The following AGAP1 variants were observed in gnomAD, a reference collection of about 807,000 sequenced individuals.
The protein encoded by AGAP1 is ArfGAP with GTPase domain, ankyrin repeat and PH domain 1, also known as arf-GAP with GTPase, ANK repeat and PH domain-containing protein 1.
AGAP1 carries 29 observed loss-of-function variants against 105.3 expected under a neutral mutation model. That is an observed-to-expected ratio of 0.28 (90% CI 0.21 to 0.38). The LOEUF (loss-of-function observed/expected upper bound fraction) is 0.38, where lower values mean the gene tolerates loss of function less well. Among genes scored for constraint, AGAP1 ranks in the 10% least tolerant of loss-of-function variants. AGAP1 has a pLI of 1.00. For synonymous variants in AGAP1, 509 were observed against 485.9 expected (o/e 1.05, Z -0.63); for missense variants, 998 against 1,165.1 (o/e 0.86, Z 2.09).
intron 6 of AGAP1, among the ~76,000 whole-genome samples, chr2:235,763,068 GCACAC>G (rs1559452893): frequency 0.013 from 1,212 of 91,972 alleles, 14 homozygotes; most frequent in African/African-American, 0.035. Context: ...GCGCGCGCGC[GCACAC>G]GTGCACCTGC....
At chr2:235,898,763 A>G (rs6738460) in intron 10 of AGAP1, among the ~76,000 whole-genome samples, 113,272 of 152,096 alleles carry the variant, frequency 0.74, 42,619 homozygotes, top group East Asian at 0.96. Flanking sequence ...AGATGTGGAC[A>G]TGGGGACCCT....
chr2:235,799,167 G>A lies in AGAP1; in HGVS notation c.802-200G>A, dbSNP rs983301624. 6.6e-6 allele frequency among the ~76,000 whole-genome samples: 1 copy of A among 152,222 alleles called. No individual in the cohort carries two copies. Among genetic ancestry groups the A allele is most frequent in the African/African-American group, 2.4e-5 (1 of 41,464 alleles). Reference sequence around the variant, plus strand: ...CTTTTCTCAGGGGATGCCACTGAGTGAGATGATTGGCATGTTCCAGGATGA... The same window carrying A: ...CTTTTCTCAGGGGATGCCACTGAGTAAGATGATTGGCATGTTCCAGGATGA... On this transcript the variant is annotated intron_variant, in intron 7 of 17. Coordinates refer to ENST00000304032, the MANE Select transcript of AGAP1 (RefSeq NM_001037131.3). This position sits in a 1 kb window ranked among gnomAD's most constrained non-coding sequence, Gnocchi z 5.0.
intron 6 of AGAP1, among the ~76,000 whole-genome samples, chr2:235,755,336 C>T (rs1953831772): frequency 7.0e-6 from 1 of 142,784 alleles, no homozygotes; most frequent in Non-Finnish European, 1.6e-5. Context: ...TTTCAAAAGT[C>T]CCTGTTGATT....
At chr2:235,641,873 T>G (rs935337157) in intron 1 of AGAP1, among the ~76,000 whole-genome samples, 1 of 152,196 alleles carries the variant, frequency 6.6e-6, no homozygotes, top group African/African-American at 2.4e-5. Flanking sequence ...TTTTAAGAAT[T>G]ATTAGCATTT....
In AGAP1 at chr2:235,723,457, C is replaced by T. The variant is rs1219628125; in HGVS notation, c.310+5813C>T. ...TGTGGACCTGCCCAAGACACTTCAC[C>T]CCCTGCAGGTGGGGAGAGTGTGGCG... On this transcript the variant is annotated intron_variant, in intron 3 of 17. Transcript: ENST00000304032. This position sits in a 1 kb window ranked among gnomAD's most constrained non-coding sequence, Gnocchi z 6.2. Among the ~76,000 whole-genome samples, 4 of 152,172 alleles carry T rather than the reference C, an allele frequency of 2.6e-5. No homozygotes were observed. Among genetic ancestry groups the T allele is most frequent in the African/African-American group, 7.2e-5 (3 of 41,438 alleles).
chr2:235,555,713 T>C lies in AGAP1; in HGVS notation c.163+60864T>C, dbSNP rs1006789634. ...TTCTGCTTTGGCCTTGTCAGTCTCC[T>C]TCTGTGATTCAGACCGTAGTGAAGC... is the stretch of plus-strand genomic sequence containing the variant. On this transcript the variant is annotated intron_variant, in intron 1 of 17. Coordinates refer to ENST00000304032, the MANE Select transcript of AGAP1 (RefSeq NM_001037131.3). This position sits in a 1 kb window ranked among gnomAD's most constrained non-coding sequence, Gnocchi z 5.1. Among the ~76,000 whole-genome samples, 2 of 152,218 alleles carry C rather than the reference T, an allele frequency of 1.3e-5. No individual in the cohort carries two copies. The highest frequency in any genetic ancestry group is 2.9e-5 in the Non-Finnish European group (2 of 68,036).
intron 16 of AGAP1, among the ~76,000 whole-genome samples, chr2:236,065,273 C>T (rs2058315700): frequency 6.6e-6 from 1 of 152,206 alleles, no homozygotes. Flanking sequence ...CACAGGGGCA[C>T]GTCCATTGGC....
intron 16 of AGAP1, among the ~76,000 whole-genome samples, chr2:236,071,076 G>A (rs771098581): frequency 2.6e-5 from 4 of 152,220 alleles, no homozygotes; most frequent in Non-Finnish European, 5.9e-5. Flanking sequence ...GACCGTTAAG[G>A]AAGCCCACGG....
intron 16 of AGAP1, among the ~76,000 whole-genome samples, chr2:236,106,892 G>A (rs1011881888): frequency 2.6e-5 from 4 of 152,212 alleles, no homozygotes; most frequent in African/African-American, 4.8e-5. Flanking sequence ...CCCCGTGGAG[G>A]TGGCTGCAGT....
rs1035407431 is a variant in AGAP1 at position 235,752,919 on chromosome 2, C to T, written c.673+2431C>T. On this transcript the variant is annotated intron_variant, in intron 6 of 17. Coordinates refer to ENST00000304032, the MANE Select transcript of AGAP1 (RefSeq NM_001037131.3). The surrounding 1 kb of genome is among the most constrained non-coding windows in gnomAD (Gnocchi z 4.3). ...CTTACGGAGGATGGGAGTCCAGGGCCAGGTGCTGGTGGGTGTGGTGTCTGC... is the reference window on the plus strand; with the variant it reads ...CTTACGGAGGATGGGAGTCCAGGGCTAGGTGCTGGTGGGTGTGGTGTCTGC... 1.3e-5 allele frequency among the ~76,000 whole-genome samples: 2 copies of T among 152,284 alleles called. No homozygotes were observed. The highest frequency in any genetic ancestry group is 2.9e-5 in the Non-Finnish European group (2 of 68,024).
rs568024453 is a variant in AGAP1, at chr2:235,652,338, C to T, written c.164-56841C>T. Among the ~76,000 whole-genome samples, 7 of 152,188 alleles carry T rather than the reference C, an allele frequency of 4.6e-5. No individual in the cohort carries two copies. In the East Asian group the frequency reaches 1.2e-3, roughly 25 times the overall value. ...TCAGCCACGCAGCCCTCAGACCCCC[C>T]CTACCCCCCAGGCCACTGTGTCCCT... is the stretch of plus-strand genomic sequence containing the variant. On this transcript the variant is annotated intron_variant, in intron 1 of 17. Coordinates refer to ENST00000304032, the MANE Select transcript of AGAP1 (RefSeq NM_001037131.3).
rs961034913 is a variant in AGAP1, at chr2:235,872,946, G to A, written c.1051-10399G>A. Among the ~76,000 whole-genome samples, 8 of 147,518 alleles carry A rather than the reference G, an allele frequency of 5.4e-5. No individual in the cohort carries two copies. The highest frequency in any genetic ancestry group is 8.1e-5 in the African/African-American group (3 of 37,152). ...AATGGGGCTTTTGTGGTGGCTCCACGGTCCCTGAAAGTCCCCACTGGCTCA... is the reference window on the plus strand; with the variant it reads ...AATGGGGCTTTTGTGGTGGCTCCACAGTCCCTGAAAGTCCCCACTGGCTCA... On this transcript the variant is annotated intron_variant, in intron 9 of 17. Coordinates refer to ENST00000304032, the MANE Select transcript of AGAP1 (RefSeq NM_001037131.3). The surrounding 1 kb of genome is among the most constrained non-coding windows in gnomAD (Gnocchi z 4.5).
At chr2:235,516,070 G>GCTGCTGCTGCTGCTGCTGCTC (rs1553556311) in intron 1 of AGAP1, among the ~76,000 whole-genome samples, 56 of 141,854 alleles carry the variant, frequency 3.9e-4, no homozygotes, top group Middle Eastern at 4.3e-3. Flanking sequence ...TGCTGCTGCT[G>GCTGCTGCTGCTGCTGCTGCTC]CTGCTGCTGC....
rs1288864948 is a variant in AGAP1 at position 235,994,700 on chromosome 2, C to A, written c.1645+26077C>A. Among the ~76,000 whole-genome samples the A allele has an allele frequency of 6.6e-6, 1 of 151,994 alleles. No individual in the cohort carries two copies. Among genetic ancestry groups the A allele is most frequent in the African/African-American group, 2.4e-5 (1 of 41,386 alleles). On this transcript the variant is annotated intron_variant, in intron 13 of 17. Coordinates refer to ENST00000304032, the MANE Select transcript of AGAP1 (RefSeq NM_001037131.3). The surrounding 1 kb of genome is among the most constrained non-coding windows in gnomAD (Gnocchi z 4.4). ...TCAAAGTGCGAAGTTGTTTAGATTT[C>A]CACGTTACACAAACACACAAGCTTC...
rs1016082387 is a variant in AGAP1, at chr2:235,744,950, G to A, written c.538+111G>A. ...AAGAAGGAAAAATTGCCTACTGAAC[G>A]CTCACTTTTTTGGGAAAAATTATGG... On this transcript the variant is annotated intron_variant, in intron 5 of 17. Transcript: ENST00000304032. The surrounding 1 kb of genome is among the most constrained non-coding windows in gnomAD (Gnocchi z 5.2). The A allele has an allele frequency of 1.2e-5, 16 of 1,324,040 alleles. 1 individual carries two copies. The highest frequency in any genetic ancestry group is 9.6e-5 in the South Asian group (6 of 62,466). 82.0% of individuals were successfully genotyped at this position (1,324,040 alleles called of 1,614,324 possible).
intron 9 of AGAP1, 53 bp downstream of exon 9, chr2:235,807,384 C>T: frequency 2.7e-6 from 4 of 1,501,650 alleles, no homozygotes; most frequent in Non-Finnish European, 3.6e-6. Context: ...CACCTCAGGT[C>T]TTCCTGGAGA....
chr2:236,027,899 A>T lies in AGAP1; in HGVS notation c.1646-8662A>T, dbSNP rs937157178. 3.3e-5 allele frequency among the ~76,000 whole-genome samples: 5 copies of T among 152,142 alleles called. No individual in the cohort carries two copies. The highest frequency in any genetic ancestry group is 1.2e-4 in the African/African-American group (5 of 41,428). Reference sequence around the variant, plus strand: ...GACAGACCATACCCAAGGATCACAGAGATGGCACAGCTTCCTGCCCACCAC... The same window carrying T: ...GACAGACCATACCCAAGGATCACAGTGATGGCACAGCTTCCTGCCCACCAC... On this transcript the variant is annotated intron_variant, in intron 13 of 17. Transcript: ENST00000304032. The surrounding 1 kb of genome is among the most constrained non-coding windows in gnomAD (Gnocchi z 4.4).
chr2:235,666,829 C>T (rs1455238292), intron 1 of AGAP1, among the ~76,000 whole-genome samples: 1 of 151,972 alleles, frequency 6.6e-6, no homozygotes, highest in Non-Finnish European at 1.5e-5. Flanking sequence ...GATTTACATA[C>T]CTTAATTATG....
chr2:236,046,387 G>A lies in AGAP1; in HGVS notation c.1892-2672G>A, dbSNP rs2057718264. On this transcript the variant is annotated intron_variant, in intron 15 of 17. Transcript: ENST00000304032. This position sits in a 1 kb window ranked among gnomAD's most constrained non-coding sequence, Gnocchi z 5.2. ...GCAAGGCCGCAGACAGGAGCCCCTT[G>A]CACCCCAGTTGCGATGCTGGTGAGG... 6.6e-6 allele frequency among the ~76,000 whole-genome samples: 1 copy of A among 152,196 alleles called. No homozygotes were observed. The highest frequency in any genetic ancestry group is 1.5e-5 in the Non-Finnish European group (1 of 68,026).
Sources: allele counts gnomAD v4.1 joint callset (sites outside exome capture counted in the v4.1 genomes callset), GRCh38; gene constraint gnomAD v4.1.1; non-coding constraint Gnocchi (gnomAD v3.1); transcripts MANE v1.5; gene names NCBI Gene and HGNC (gene_info 2026-07-23, HGNC 2026-07-21).